The following COLEC12 variants were observed in gnomAD, a reference collection of about 807,000 sequenced individuals.
COLEC12 encodes collectin-12.
COLEC12 carries 33 observed loss-of-function variants against 71.1 expected under a neutral mutation model. The ratio of observed to expected loss-of-function variants is 0.46; its 90% CI spans 0.35 to 0.62. COLEC12 has a LOEUF of 0.62. Among genes scored for constraint, COLEC12 ranks in the 20% least tolerant of loss-of-function variants. COLEC12 has a pLI of 0.00. For missense variants in COLEC12, 765 were observed against 916.1 expected (o/e 0.84, Z 2.13); for synonymous variants, 350 against 353.0 (o/e 0.99, Z 0.10).
chr18:478,352 C>T (rs1917344050), intron 2 of COLEC12, among the ~76,000 whole-genome samples: 1 of 152,180 alleles, frequency 6.6e-6, no homozygotes, highest in Admixed American at 6.5e-5. Flanking sequence ...GTGGCTCACG[C>T]CTGTAATCTC....
intron 3 of COLEC12, among the ~76,000 whole-genome samples, chr18:353,503 G>A (rs2143492225): frequency 6.6e-6 from 1 of 152,208 alleles, no homozygotes; most frequent in South Asian, 2.1e-4. Context: ...CCTAAATCTG[G>A]TTTCCTCCAA....
At chr18:415,841 AAC>A (rs1282123402) in intron 2 of COLEC12, among the ~76,000 whole-genome samples, 2 of 152,240 alleles carry the variant, frequency 1.3e-5, no homozygotes, top group East Asian at 3.9e-4. Flanking sequence ...AATGTGCAGT[AAC>A]ACTGAGGTTT....
In COLEC12 at chr18:399,190, C is replaced by T. The variant is rs931531065; in HGVS notation, c.59-41668G>A. On this transcript the variant is annotated intron_variant, in intron 2 of 9. Transcript: ENST00000400256. This position sits in a 1 kb window ranked among gnomAD's most constrained non-coding sequence, Gnocchi z 4.0. ...CCAATCTGAAACACTATCCAAAAAACGCACAGCGGTGTCTGAAGTTGAGAT... is the reference window on the plus strand; with the variant it reads ...CCAATCTGAAACACTATCCAAAAAATGCACAGCGGTGTCTGAAGTTGAGAT... Among the ~76,000 whole-genome samples, 5 of 152,228 alleles carry T rather than the reference C, an allele frequency of 3.3e-5. No homozygotes were observed. The highest frequency in any genetic ancestry group is 4.8e-5 in the African/African-American group (2 of 41,452).
intron 3 of COLEC12, among the ~76,000 whole-genome samples, chr18:354,563 G>T (rs184760487): frequency 6.6e-6 from 1 of 152,170 alleles, no homozygotes; most frequent in East Asian, 1.9e-4. Context: ...AGTTTCTCTA[G>T]ACTTCAAAGG....
intron 2 of COLEC12, among the ~76,000 whole-genome samples, chr18:450,223 T>A (rs921694914): frequency 1.3e-5 from 2 of 152,112 alleles, no homozygotes; most frequent in African/African-American, 2.4e-5. Context: ...TCTCGGAAAA[T>A]GTCTTTTCCG....
intron 1 of COLEC12, among the ~76,000 whole-genome samples, chr18:489,122 C>G (rs1264948084): frequency 6.6e-6 from 1 of 151,948 alleles, no homozygotes. Flanking sequence ...AAAATAAAAG[C>G]CTAAAAGCTT....
At chr18:384,146 C>T (rs527308367) in intron 2 of COLEC12, among the ~76,000 whole-genome samples, 2 of 152,226 alleles carry the variant, frequency 1.3e-5, no homozygotes, top group East Asian at 3.9e-4. Context: ...TGGCTACAAT[C>T]GACATACCCA....
intron 1 of COLEC12, among the ~76,000 whole-genome samples, chr18:491,598 A>G (rs1033780765): frequency 6.6e-6 from 1 of 152,248 alleles, no homozygotes; most frequent in African/African-American, 2.4e-5. Flanking sequence ...CTTAAGGTCC[A>G]AAATAAATAT....
chr18:422,756 T>C (rs929168985), intron 2 of COLEC12, among the ~76,000 whole-genome samples: 14 of 152,190 alleles, frequency 9.2e-5, no homozygotes, highest in Non-Finnish European at 1.8e-4. Context: ...CATATGGAAG[T>C]ATGGGGCGAG....
At chr18:499,510 T>C (rs562309762) in intron 1 of COLEC12, among the ~76,000 whole-genome samples, 1 of 152,302 alleles carries the variant, frequency 6.6e-6, no homozygotes, top group Admixed American at 6.5e-5. Flanking sequence ...AGCGATTGCA[T>C]CGCCAGGTCT....
intron 2 of COLEC12, among the ~76,000 whole-genome samples, chr18:412,076 A>G (rs1365307171): frequency 6.6e-6 from 1 of 152,206 alleles, no homozygotes; most frequent in Non-Finnish European, 1.5e-5. Context: ...AACACTTCCC[A>G]AATTTGGCAA....
At chr18:439,102 C>T (rs1269129799) in intron 2 of COLEC12, among the ~76,000 whole-genome samples, 2 of 152,132 alleles carry the variant, frequency 1.3e-5, no homozygotes, top group Non-Finnish European at 2.9e-5. Flanking sequence ...CAAGATCTTC[C>T]CAGGTAGATG....
chr18:421,887 T>C (rs924583304), intron 2 of COLEC12, among the ~76,000 whole-genome samples: 11 of 152,198 alleles, frequency 7.2e-5, no homozygotes, highest in East Asian at 5.8e-4. Flanking sequence ...ACCAGCTGGA[T>C]TGGAGCTAAA....
chr18:381,072 T>C (rs1915222276), intron 2 of COLEC12, among the ~76,000 whole-genome samples: 1 of 152,210 alleles, frequency 6.6e-6, no homozygotes, highest in Middle Eastern at 3.4e-3. Flanking sequence ...AGTTGAGCCT[T>C]CTATAAATGT....
Position 346,750 on chromosome 18 carries a change from T to G in COLEC12, c.872A>C (p.Asn291Thr). 6.2e-7 allele frequency: 1 copy of G among 1,614,224 alleles called. No individual in the cohort carries two copies. Among genetic ancestry groups the G allele is most frequent in the Non-Finnish European group, 8.5e-7 (1 of 1,180,032 alleles). Residue 291 changes from asparagine (N) to threonine (T), a missense_variant, in exon 5 of 10, where the codon AAC (asparagine) becomes ACC (threonine). Coordinates refer to ENST00000400256, the MANE Select transcript of COLEC12 (RefSeq NM_130386.3). This position sits in a 1 kb window ranked among gnomAD's most constrained non-coding sequence, Gnocchi z 4.0. The part of the protein sequence containing the change: ...DTLEDMNSQL[N>T]SFTGQMENIT... ...GTTCTCCATCTGACCTGTGAATGAG[T>G]TGAGCTGGCTGTTCATATCCTCCAG... is the stretch of plus-strand genomic sequence containing the variant.
chr18:338,920 A>G (rs1342207076), intron 5 of COLEC12, among the ~76,000 whole-genome samples: 1 of 152,212 alleles, frequency 6.6e-6, no homozygotes, highest in Non-Finnish European at 1.5e-5. Flanking sequence ...AAATCCAAAT[A>G]ATGAAGATGG....
rs1914364784 is a variant in COLEC12, at chr18:346,144, A to C, written c.1327+151T>G. ...ACAACCTCATGAAAAACAGTGAGTC[A>C]GGACCATCTAGCTAAGCTGCTCTTG... On this transcript the variant is annotated intron_variant, in intron 5 of 9. Transcript: ENST00000400256. This position sits in a 1 kb window ranked among gnomAD's most constrained non-coding sequence, Gnocchi z 4.0. 1.6e-6 allele frequency: 1 copy of C among 633,602 alleles called. No homozygotes were observed. The highest frequency in any genetic ancestry group is 2.0e-5 in the South Asian group (1 of 50,242). 39.2% of individuals were successfully genotyped at this position (633,602 alleles called of 1,614,324 possible).
At chr18:363,944 A>AAATCACT (rs1914801796) in intron 2 of COLEC12, among the ~76,000 whole-genome samples, 1 of 152,232 alleles carries the variant, frequency 6.6e-6, no homozygotes, top group Non-Finnish European at 1.5e-5. Context: ...ATTGGAAATG[A>AAATCACT]AATCACTTTC....
rs746293447 is a variant in COLEC12, at chr18:334,981, G to A, written c.1577C>T (p.Pro526Leu). The A allele has an allele frequency of 6.4e-7, 1 of 1,562,326 alleles. No homozygotes were observed. Among genetic ancestry groups the A allele is most frequent in the Non-Finnish European group, 8.6e-7 (1 of 1,158,812 alleles). The change falls in exon 6 of 10, where the codon CCA (proline) becomes CTA (leucine). Residue 526 changes from proline to leucine, a missense_variant. Coordinates refer to ENST00000400256, the MANE Select transcript of COLEC12 (RefSeq NM_130386.3). ...KPGPQGSSGD[P>L]GPPGPPGKEG... ...TTTGCCTGGTGGGCCCGGGGGGCCT[G>A]GGTCCCCACTGGAGCCCTGAGGGCC...
Sources: allele counts gnomAD v4.1 joint callset (sites outside exome capture counted in the v4.1 genomes callset), GRCh38; gene constraint gnomAD v4.1.1; non-coding constraint Gnocchi (gnomAD v3.1); transcripts MANE v1.5; gene names NCBI Gene and HGNC (gene_info 2026-07-23, HGNC 2026-07-21).